Variants in WDHD1 observed in about 807,000 individuals in gnomAD.
WDHD1 encodes the protein WD repeat and HMG-box DNA binding protein 1, also known as WD repeat and HMG-box DNA-binding protein 1.
In WDHD1, 111 loss-of-function variants were observed where a neutral mutation model predicts 135.4. The ratio of observed to expected loss-of-function variants is 0.82; its 90% CI spans 0.70 to 0.96. The LOEUF (loss-of-function observed/expected upper bound fraction) is 0.96. Among genes scored for constraint, WDHD1 ranks in the 40% least tolerant of loss-of-function variants. The probability of loss-of-function intolerance (pLI) is 0.00; values close to 1 mark genes in which losing one functional copy is unlikely to be tolerated. For synonymous variants in WDHD1, 434 were observed against 439.0 expected (o/e 0.99, Z 0.14); for missense variants, 1,351 against 1,336.3 (o/e 1.01, Z -0.17).
At chr14:54,969,374 G>GA (rs1168998765) in intron 16 of WDHD1, among the ~76,000 whole-genome samples, 1 of 149,510 alleles carries the variant, frequency 6.7e-6, no homozygotes, top group Admixed American at 6.7e-5. Flanking sequence ...GAGAGAAAGA[G>GA]AAAGTCCTCA....
chr14:54,994,222 A>G (rs2041840948), intron 11 of WDHD1, among the ~76,000 whole-genome samples: 1 of 152,190 alleles, frequency 6.6e-6, no homozygotes. Flanking sequence ...ATACAATACT[A>G]TTCAGGTTAT....
intron 15 of WDHD1, among the ~76,000 whole-genome samples, chr14:54,982,746 A>C (rs1056695215): frequency 1.3e-5 from 2 of 152,220 alleles, no homozygotes; most frequent in African/African-American, 4.8e-5. Context: ...TAGAAAACAC[A>C]TTTAGAAATG....
chr14:54,987,452 A>ATATATATAT, intron 13 of WDHD1, 65 bp from the exon 14 acceptor site: 6 of 1,358,526 alleles, frequency 4.4e-6, no homozygotes, highest in South Asian at 1.6e-5. Context: ...ATATATATAT[A>ATATATATAT]AGCAATCATG....
At chr14:55,022,023 A>T (rs575482578) in intron 2 of WDHD1, among the ~76,000 whole-genome samples, 15 of 152,034 alleles carry the variant, frequency 9.9e-5, no homozygotes, top group Admixed American at 2.6e-4. Flanking sequence ...GCCTGTATGA[A>T]CTCCTCATCT....
chr14:54,989,252 T>C, intron 12 of WDHD1, 40 bp from the exon 13 acceptor site: 1 of 1,504,508 alleles, frequency 6.6e-7, no homozygotes, highest in Admixed American at 2.0e-5. Context: ...TGAGAAAAAC[T>C]GAAGCTCCTA....
chr14:54,942,889 C>T (rs997809478), intron 25 of WDHD1, among the ~76,000 whole-genome samples: 1 of 152,198 alleles, frequency 6.6e-6, no homozygotes, highest in South Asian at 2.1e-4. Context: ...ACAGACTTTG[C>T]CAAGTCTCTT....
chr14:54,946,884 A>G lies in WDHD1; in HGVS notation c.3051-2414T>C, dbSNP rs182660054. 2.0e-4 allele frequency among the ~76,000 whole-genome samples: 31 copies of G among 152,296 alleles called. No individual in the cohort carries two copies. In the East Asian group the frequency reaches 6.0e-3, roughly 29 times the overall value. The stretch of plus-strand genomic sequence containing the variant: ...CGTGGCAAACTCCATCTCTACCAAA[A>G]AATAACAAAATTAGTGGGCATGGTG... On this transcript the variant is annotated intron_variant, in intron 24 of 25. Transcript: ENST00000360586.
At position 54,995,713 on chromosome 14, in the gene WDHD1, G is replaced by C. The variant is rs773896002; in HGVS notation, c.1043C>G (p.Ser348Cys). The change falls in exon 11 of 26, where the codon TCT (serine) becomes TGT (cysteine). Residue 348 changes from serine to cysteine, a missense_variant. By Grantham distance (112) the Ser-to-Cys change is moderately radical. This residue lies in a region of WDHD1 where 1,330 missense variants were observed against 1,296.1 expected (regional missense o/e 1.03). Transcript: ENST00000360586. ...FLNDNAVEIP[S>C]FSKGIINDDE... ...ATCATTTATAATCCCTTTTGAAAAA[G>C]AAGGGATCTCAACTGCATTGTCATT... is the stretch of plus-strand genomic sequence containing the variant. 1.2e-6 allele frequency: 2 copies of C among 1,613,518 alleles called. No homozygotes were observed. Among genetic ancestry groups the C allele is most frequent in the Admixed American group, 3.3e-5 (2 of 59,896 alleles).
intron 7 of WDHD1, among the ~76,000 whole-genome samples, chr14:55,004,043 A>G (rs1363565258): frequency 2.0e-5 from 3 of 152,210 alleles, no homozygotes; most frequent in Non-Finnish European, 4.4e-5. Flanking sequence ...ACCATGCAAA[A>G]CTATTTACTT....
At position 55,014,425 on chromosome 14, in the gene WDHD1, G is replaced by C. The variant is rs182166544; in HGVS notation, c.78-829C>G. 9.2e-5 allele frequency among the ~76,000 whole-genome samples: 14 copies of C among 152,274 alleles called. 1 individual carries two copies. The East Asian group carries it at 2.5e-3, about 27-fold the overall frequency. ...TATTTATTTGTAAGAATGTAAGAAA[G>C]ATGGGTATATAATCTGCAACAATAA... On this transcript the variant is annotated intron_variant, in intron 2 of 25. Coordinates refer to ENST00000360586, the MANE Select transcript of WDHD1 (RefSeq NM_007086.4).
intron 16 of WDHD1, among the ~76,000 whole-genome samples, chr14:54,978,576 C>A (rs1394314404): frequency 6.6e-6 from 1 of 150,818 alleles, no homozygotes; most frequent in African/African-American, 2.5e-5. Context: ...ATGAGTGATA[C>A]CCTGGCTCTA....
At chr14:54,982,989 A>G (rs1229164445) in intron 15 of WDHD1, among the ~76,000 whole-genome samples, 2 of 151,682 alleles carry the variant, frequency 1.3e-5, no homozygotes, top group African/African-American at 4.8e-5. Context: ...ACATGACAAA[A>G]CCCCATCTCT....
chr14:55,022,656 G>A (rs113512152), intron 2 of WDHD1, among the ~76,000 whole-genome samples: 1,609 of 151,204 alleles, frequency 0.011, 13 homozygotes, highest in Middle Eastern at 0.024. Flanking sequence ...CACTCCAGCC[G>A]GTGAGACAGC....
At chr14:54,979,310 C>T (rs1286151072) in intron 16 of WDHD1, among the ~76,000 whole-genome samples, 2 of 152,170 alleles carry the variant, frequency 1.3e-5, no homozygotes, top group East Asian at 3.9e-4. Flanking sequence ...TGCCATCATG[C>T]CTGGGTAATT....
chr14:55,019,885 G>A (rs117316271), intron 2 of WDHD1, among the ~76,000 whole-genome samples: 3,670 of 152,136 alleles, frequency 0.024, 63 homozygotes, highest in South Asian at 0.04. Flanking sequence ...AAAGAAATCC[G>A]CTATCAGTGT....
At chr14:55,015,912 T>G (rs1344075114) in intron 2 of WDHD1, among the ~76,000 whole-genome samples, 1 of 152,094 alleles carries the variant, frequency 6.6e-6, no homozygotes, top group Non-Finnish European at 1.5e-5. Context: ...TTGGCCAGGC[T>G]GGTCTTGAAC....
chr14:55,000,762 A>AATTTATATTATT, intron 9 of WDHD1, 118 bp from the exon 10 acceptor site: 1 of 1,045,124 alleles, frequency 9.6e-7, no homozygotes, highest in Non-Finnish European at 1.3e-6. Flanking sequence ...TTTATAAATA[A>AATTTATATTATT]TATAAATTTA....
At chr14:54,948,254 A>G (rs2040968050) in intron 24 of WDHD1, among the ~76,000 whole-genome samples, 2 of 152,126 alleles carry the variant, frequency 1.3e-5, no homozygotes, top group South Asian at 4.1e-4. Flanking sequence ...AGGGCAAGGC[A>G]TCACCTCACC....
Position 54,966,532 on chromosome 14 carries a change from C to G in WDHD1, c.2253G>C (p.Glu751Asp), listed in dbSNP as rs764969473. The change falls in exon 18 of 26, where the codon GAG becomes GAC. Residue 751 changes from glutamate (E) to aspartate (D), a missense_variant. By Grantham distance (45) the Glu-to-Asp change is conservative. Transcript: ENST00000360586. ...YLAKNGYEYE[E>D]STKNQATKEQ... is the part of the protein sequence containing the mutation. ...CTTTTGTTGCTTGATTTTTAGTGCT[C>G]TCTTCATATTCATAACCATTTTTAG... 10 of 1,608,866 alleles carry G rather than the reference C, an allele frequency of 6.2e-6. No homozygotes were observed. Among genetic ancestry groups the G allele is most frequent in the Non-Finnish European group, 2.5e-6 (3 of 1,178,994 alleles).
Sources: allele counts gnomAD v4.1 joint callset (sites outside exome capture counted in the v4.1 genomes callset), GRCh38; gene constraint gnomAD v4.1.1; regional missense constraint gnomAD v4.1.1; transcripts MANE v1.5; gene names NCBI Gene and HGNC (gene_info 2026-07-23, HGNC 2026-07-21).